Variants in PCMTD1 observed in about 807,000 individuals in gnomAD.
PCMTD1 encodes protein-L-isoaspartate (D-aspartate) O-methyltransferase domain containing 1.
Under a neutral mutation model 37.6 loss-of-function variants are expected in PCMTD1, and 12 were observed. The observed-to-expected ratio is 0.32, with a 90% CI of 0.20 to 0.52. PCMTD1 has a LOEUF of 0.52. PCMTD1 is among the 20% of genes least tolerant of loss of function. The pLI, the probability that PCMTD1 is intolerant of heterozygous loss-of-function variation, is 0.97. For missense variants in PCMTD1, 235 were observed against 421.3 expected, an observed-to-expected ratio of 0.56 and a Z score of 3.87; for synonymous variants, 117 against 135.8, an observed-to-expected ratio of 0.86 and a Z score of 0.96.
intron 1 of PCMTD1, among the ~76,000 whole-genome samples, chr8:51,887,535 G>A (rs926473790): frequency 4.0e-5 from 6 of 151,852 alleles, no homozygotes; most frequent in African/African-American, 1.5e-4. Context: ...TCTAACTAAA[G>A]CAATAACTAT....
At chr8:51,850,668 G>A (rs1051902977) in intron 2 of PCMTD1, among the ~76,000 whole-genome samples, 1 of 152,088 alleles carries the variant, frequency 6.6e-6, no homozygotes, top group African/African-American at 2.4e-5. Flanking sequence ...AAGTATTTTG[G>A]CTAAAACTAA....
chr8:51,898,797 C>A (rs1316501879), intron 1 of PCMTD1, 133 bp downstream of exon 1: 27 of 914,776 alleles, frequency 3.0e-5, no homozygotes, highest in Non-Finnish European at 1.1e-5. Context: ...CCTTAAGTCC[C>A]CCTGCCCCCG....
intron 3 of PCMTD1, chr8:51,839,357 T>C (rs2038113421): frequency 4.5e-6 from 3 of 670,852 alleles, no homozygotes; most frequent in Non-Finnish European, 5.5e-6. Context: ...ACCCTGAAAA[T>C]CATTTATGAA....
At position 51,819,580 on chromosome 8, in the gene PCMTD1, A is replaced by C. The variant is rs1040044079; in HGVS notation, c.*771T>G. On this transcript the variant is annotated 3_prime_UTR_variant, in exon 6 of 6. Transcript: ENST00000522514. Reference sequence around the variant, plus strand: ...AAAAACAATTCTAAATATACTTTTAAAATTCTATAGAGTTAAGATAACCTC... The same window carrying C: ...AAAAACAATTCTAAATATACTTTTACAATTCTATAGAGTTAAGATAACCTC... 143 of 143,792 alleles carry C rather than the reference A, an allele frequency of 9.9e-4. 8 individuals are homozygous for C. The highest frequency in any genetic ancestry group is 4.7e-5 in the Non-Finnish European group (3 of 64,034). The allele number at this position is 143,792 out of a possible 1,614,324, so 8.9% of individuals were successfully genotyped here.
At chr8:51,828,339 C>G (rs931233602) in intron 5 of PCMTD1, among the ~76,000 whole-genome samples, 1 of 152,032 alleles carries the variant, frequency 6.6e-6, no homozygotes, top group Non-Finnish European at 1.5e-5. Context: ...AAGGAGAAAA[C>G]AGTTTTGTTA....
rs777423231 is a variant in PCMTD1 at position 51,861,047 on chromosome 8, C to T, written c.105G>A (p.Ala35=). The T allele has an allele frequency of 7.4e-6, 12 of 1,614,070 alleles. No homozygotes were observed. The highest frequency in any genetic ancestry group is 1.7e-5 in the Admixed American group (1 of 60,012). Reference sequence around the variant, plus strand: ...CCAAATAGTAATCTCCACGATCAATCGCTCTGAAGGCTTGCTCCACTCTTT... The same window carrying T: ...CCAAATAGTAATCTCCACGATCAATTGCTCTGAAGGCTTGCTCCACTCTTT... The part of the protein sequence containing the change: ...RTERVEQAFR[A]IDRGDYYLEG... The change falls in exon 2 of 6, where the codon GCG becomes GCA. Residue 35 remains alanine, a synonymous_variant. Coordinates refer to ENST00000522514, the MANE Select transcript of PCMTD1 (RefSeq NM_052937.4).
intron 3 of PCMTD1, chr8:51,839,397 T>C: frequency 1.1e-6 from 1 of 943,434 alleles, no homozygotes; most frequent in Non-Finnish European, 1.3e-6. Context: ...ATATCTCGGT[T>C]TAGAACATGA....
At chr8:51,838,795 C>T (rs766692996) in intron 3 of PCMTD1, among the ~76,000 whole-genome samples, 3 of 151,946 alleles carry the variant, frequency 2.0e-5, no homozygotes, top group Admixed American at 6.6e-5. Context: ...ATAAATTCAA[C>T]GAAAGTTCTC....
chr8:51,843,600 A>AC (rs1368788528), intron 3 of PCMTD1, among the ~76,000 whole-genome samples: 3 of 118,200 alleles, frequency 2.5e-5, no homozygotes, highest in Non-Finnish European at 6.0e-5. Context: ...TACAATAACA[A>AC]AAAAAAAAAC....
At chr8:51,880,464 T>C (rs1224478395) in intron 1 of PCMTD1, among the ~76,000 whole-genome samples, 2 of 152,228 alleles carry the variant, frequency 1.3e-5, no homozygotes, top group African/African-American at 4.8e-5. Flanking sequence ...CCCCACTTCC[T>C]ATCCTTAGGA....
chr8:51,885,762 A>T (rs1455672604), intron 1 of PCMTD1, among the ~76,000 whole-genome samples: 4 of 152,184 alleles, frequency 2.6e-5, no homozygotes, highest in Non-Finnish European at 5.9e-5. Context: ...AATGCAATAC[A>T]CTCAACACCA....
At chr8:51,864,747 C>T (rs912225968) in intron 1 of PCMTD1, among the ~76,000 whole-genome samples, 9 of 151,782 alleles carry the variant, frequency 5.9e-5, no homozygotes, top group Admixed American at 5.3e-4. Flanking sequence ...GCAATAAATG[C>T]CTGTATCAAA....
chr8:51,863,854 G>C (rs890610344), intron 1 of PCMTD1, among the ~76,000 whole-genome samples: 2 of 151,790 alleles, frequency 1.3e-5, no homozygotes, highest in African/African-American at 4.8e-5. Flanking sequence ...TTGAACTTGG[G>C]AGGCAGAGAT....
In PCMTD1 at chr8:51,817,829, T is replaced by C; in HGVS notation, c.*2522A>G. 2.2e-6 allele frequency: 1 copy of C among 456,696 alleles called. No individual in the cohort carries two copies. Among genetic ancestry groups the C allele is most frequent in the Non-Finnish European group, 4.4e-6 (1 of 226,970 alleles). The allele number at this position is 456,696 out of a possible 1,614,324, so 28.3% of individuals were successfully genotyped here. A position where few individuals can be genotyped will look rare whatever the true frequency, so the allele number is the denominator to read the frequency against. ...TGGTCTGAGGTTGCTGATGGATTCT[T>C]GGGATTGATCTGATGCTAGAAGCTA... On this transcript the variant is annotated 3_prime_UTR_variant, in exon 6 of 6. Transcript: ENST00000522514.
chr8:51,879,384 C>G (rs567239061), intron 1 of PCMTD1, among the ~76,000 whole-genome samples: 15 of 152,022 alleles, frequency 9.9e-5, no homozygotes, highest in African/African-American at 3.4e-4. Flanking sequence ...CAAACTATAA[C>G]AAATCAACAA....
chr8:51,842,490 A>ATT (rs1384202210), intron 3 of PCMTD1, among the ~76,000 whole-genome samples: 4 of 143,404 alleles, frequency 2.8e-5, no homozygotes, highest in Non-Finnish European at 4.6e-5. Context: ...AATTTTTCTA[A>ATT]TTTTTTTTTT....
rs191336523 is a variant in PCMTD1 at position 51,857,434 on chromosome 8, A to G, written c.307+3411T>C. On this transcript the variant is annotated intron_variant, in intron 2 of 5. Coordinates refer to ENST00000522514, the MANE Select transcript of PCMTD1 (RefSeq NM_052937.4). Reference sequence around the variant, plus strand: ...AAAATGAAAATGAATCCCTAAGTAAAAAGGATCAGAATTCAGAATCCCTAC... The same window carrying G: ...AAAATGAAAATGAATCCCTAAGTAAGAAGGATCAGAATTCAGAATCCCTAC... Among the ~76,000 whole-genome samples, 55 of 152,344 alleles carry G rather than the reference A, an allele frequency of 3.6e-4. No individual in the cohort carries two copies. In the East Asian group the frequency reaches 9.6e-3, roughly 27 times the overall value.
At position 51,819,520 on chromosome 8, in the gene PCMTD1, T is replaced by TA. The variant is rs878984257; in HGVS notation, c.*830dup. The TA allele has an allele frequency of 6.6e-6, 1 of 152,506 alleles. No homozygotes were observed. Among genetic ancestry groups the TA allele is most frequent in the Non-Finnish European group, 1.5e-5 (1 of 68,040 alleles). The allele number at this position is 152,506 out of a possible 1,614,324, so 9.4% of individuals were successfully genotyped here. A position where few individuals can be genotyped will look rare whatever the true frequency, so the allele number is the denominator to read the frequency against. On this transcript the variant is annotated 3_prime_UTR_variant, in exon 6 of 6. Coordinates refer to ENST00000522514, the MANE Select transcript of PCMTD1 (RefSeq NM_052937.4). ...CACATAACAATGGTTTTGCTTTTTT[T>TA]AAAAAACCAAATACTTTATACAGTG...
intron 2 of PCMTD1, chr8:51,849,527 C>T (rs894111959): frequency 1.3e-5 from 2 of 152,004 alleles, no homozygotes; most frequent in South Asian, 2.1e-4. Context: ...TAGAAACATA[C>T]AGCAAAGTCA....
Sources: allele counts gnomAD v4.1 joint callset (sites outside exome capture counted in the v4.1 genomes callset), GRCh38; gene constraint gnomAD v4.1.1; transcripts MANE v1.5; gene names NCBI Gene and HGNC (gene_info 2026-07-23, HGNC 2026-07-21).